SEMA3D: variants seen among roughly 807,000 people sequenced by gnomAD.
The protein encoded by SEMA3D is semaphorin-3D.
In SEMA3D, 84 loss-of-function variants were observed where a neutral mutation model predicts 100.1. The ratio of observed to expected loss-of-function variants is 0.84; its 90% confidence interval spans 0.70 to 1.01. The LOEUF (loss-of-function observed/expected upper bound fraction) is 1.01, where lower values mean the gene tolerates loss of function less well. SEMA3D is among the 50% of genes least tolerant of loss of function. The pLI, the probability that SEMA3D is intolerant of heterozygous loss-of-function variation, is 0.00. For synonymous variants in SEMA3D, 312 were observed against 320.7 expected (o/e 0.97, Z 0.29); for missense variants, 875 against 934.1 (o/e 0.94, Z 0.82).
chr7:85,136,181 A>G (rs1374993864), intron 2 of SEMA3D, among the ~76,000 whole-genome samples: 1 of 152,152 alleles, frequency 6.6e-6, no homozygotes, highest in African/African-American at 2.4e-5. Context: ...TGGAATGCCA[A>G]TGAAGAGCAA....
chr7:85,236,083 G>A, the SEMA3D span, among the ~76,000 whole-genome samples: 18 of 151,856 alleles, frequency 1.2e-4, no homozygotes, highest in Admixed American at 1.1e-3. Context: ...CCAGTAGTTA[G>A]GTATAAGGCA....
intron 3 of SEMA3D, among the ~76,000 whole-genome samples, chr7:85,113,161 G>A (rs554448181): frequency 1.3e-5 from 2 of 152,226 alleles, no homozygotes; most frequent in African/African-American, 2.4e-5. Context: ...CAATTGCAGC[G>A]TAAACTGTAG....
chr7:85,010,473 C>T (rs1789920681), intron 17 of SEMA3D, among the ~76,000 whole-genome samples: 1 of 151,700 alleles, frequency 6.6e-6, no homozygotes, highest in Non-Finnish European at 1.5e-5. Context: ...GAAGTAGCTA[C>T]TGAAGAGCTA....
At chr7:85,112,497 T>A (rs1789120630) in intron 3 of SEMA3D, among the ~76,000 whole-genome samples, 1 of 152,218 alleles carries the variant, frequency 6.6e-6, no homozygotes, top group South Asian at 2.1e-4. Flanking sequence ...TTATTTTTTA[T>A]ATCTTAATAT....
chr7:85,025,340 A>C lies in SEMA3D; in HGVS notation c.1192-2727T>G, dbSNP rs73713922. Among the ~76,000 whole-genome samples, 1,097 of 152,054 alleles carry C rather than the reference A, an allele frequency of 7.2e-3. 15 individuals carry two copies. Among genetic ancestry groups the C allele is most frequent in the African/African-American group, 0.025 (1,033 of 41,532 alleles). On this transcript the variant is annotated intron_variant, in intron 12 of 18. Transcript: ENST00000284136. ...AAGAGAAAATAGAACCTGCCTAGAC[A>C]CACCCTGAGATGAAAGTGGAAACCC... is the stretch of plus-strand genomic sequence containing the variant.
chr7:85,034,290 A>AT (rs1047849282), intron 12 of SEMA3D, among the ~76,000 whole-genome samples: 12 of 152,218 alleles, frequency 7.9e-5, no homozygotes, highest in African/African-American at 2.6e-4. Context: ...TATTCAATGA[A>AT]TAAAAAATAG....
the SEMA3D span, among the ~76,000 whole-genome samples, chr7:85,250,189 A>G: frequency 1.3e-5 from 2 of 148,212 alleles, no homozygotes; most frequent in Non-Finnish European, 3.0e-5. Flanking sequence ...CCACGAGATT[A>G]TAACCCGCAC....
chr7:85,171,302 G>A (rs935707313), intron 1 of SEMA3D, among the ~76,000 whole-genome samples: 2 of 152,034 alleles, frequency 1.3e-5, no homozygotes, highest in Non-Finnish European at 2.9e-5. Context: ...TAACTGGAAT[G>A]AGCAAAGTGA....
At chr7:85,122,466 T>C (rs1175630962) in intron 2 of SEMA3D, among the ~76,000 whole-genome samples, 1 of 152,186 alleles carries the variant, frequency 6.6e-6, no homozygotes, top group Non-Finnish European at 1.5e-5. Context: ...TTTCCTTGAC[T>C]AAAGTTGTTT....
rs144281862 is a variant in SEMA3D, at chr7:85,042,293, G to GAA, written c.862-10_862-9dup. On this transcript the variant is annotated splice_polypyrimidine_tract_variant and intron_variant, in intron 9 of 18. Coordinates refer to ENST00000284136, the MANE Select transcript of SEMA3D (RefSeq NM_001384900.1). The stretch of plus-strand genomic sequence containing the variant: ...TTGTCCTCCTACATCATTCTGACAT[G>GAA]AAAAAAAAAATAAAGATAAATATTT... 21 of 1,391,752 alleles carry GAA rather than the reference G, an allele frequency of 1.5e-5. No homozygotes were observed. Among genetic ancestry groups the GAA allele is most frequent in the African/African-American group, 7.4e-5 (5 of 67,856 alleles). 86.2% of individuals were successfully genotyped at this position (1,391,752 alleles called of 1,614,324 possible). A position where few individuals can be genotyped will look rare whatever the true frequency, so the allele number is the denominator to read the frequency against.
intron 1 of SEMA3D, among the ~76,000 whole-genome samples, chr7:85,168,053 G>A (rs990645862): frequency 6.6e-6 from 1 of 151,572 alleles, no homozygotes; most frequent in African/African-American, 2.4e-5. Context: ...TTTGGACTGG[G>A]GTGTATATAA....
chr7:85,146,936 A>T (rs2116477394), intron 2 of SEMA3D, among the ~76,000 whole-genome samples: 1 of 152,138 alleles, frequency 6.6e-6, no homozygotes, highest in South Asian at 2.1e-4. Context: ...TTGGTACAGC[A>T]ATTAGGAGGA....
the SEMA3D span, among the ~76,000 whole-genome samples, chr7:85,228,366 T>C: frequency 0.014 from 2,137 of 152,284 alleles, 26 homozygotes; most frequent in Non-Finnish European, 0.023. Context: ...TAATTTCATT[T>C]TCATTTTTTA....
At chr7:85,051,338 T>G (rs1791159384) in intron 9 of SEMA3D, among the ~76,000 whole-genome samples, 1 of 151,928 alleles carries the variant, frequency 6.6e-6, no homozygotes, top group Non-Finnish European at 1.5e-5. Flanking sequence ...ATACCTAGTC[T>G]TTAATCATAA....
intron 4 of SEMA3D, among the ~76,000 whole-genome samples, chr7:85,088,705 A>G (rs1460564313): frequency 6.6e-6 from 1 of 152,162 alleles, no homozygotes; most frequent in Non-Finnish European, 1.5e-5. Context: ...ATTGTTACAG[A>G]AGGGAAGTTT....
chr7:85,193,589 C>T, the SEMA3D span, among the ~76,000 whole-genome samples: 1 of 152,118 alleles, frequency 6.6e-6, no homozygotes, highest in African/African-American at 2.4e-5. Flanking sequence ...TAGCCTACCA[C>T]TTTGCAAGTA....
chr7:84,999,597 C>T lies in SEMA3D; in HGVS notation c.2177G>A (p.Ser726Asn). 1 of 1,614,114 alleles carries T rather than the reference C, an allele frequency of 6.2e-7. No homozygotes were observed. Among genetic ancestry groups the T allele is most frequent in the Non-Finnish European group, 8.5e-7 (1 of 1,180,024 alleles). The change falls in exon 19 of 19, where the codon AGC (serine) becomes AAC (asparagine). Residue 726 changes from serine (S) to asparagine (N), a missense_variant. Ser to Asn is a conservative substitution (Grantham distance 46). Coordinates refer to ENST00000284136, the MANE Select transcript of SEMA3D (RefSeq NM_001384900.1). The stretch of plus-strand genomic sequence containing the variant: ...CATCTGTTCGCAGTACTGGTCGAGG[C>T]TGAAGTTTGGGCTGCTAAGGATTTG... Reference protein sequence around the residue: ...YIQILSSPNFSLDQYCEQMWH... With the variant: ...YIQILSSPNFNLDQYCEQMWH...
intron 18 of SEMA3D, among the ~76,000 whole-genome samples, chr7:85,005,083 T>A (rs183442452): frequency 6.6e-6 from 1 of 151,986 alleles, no homozygotes; most frequent in African/African-American, 2.4e-5. Context: ...TTTTTAAAAA[T>A]CAGATTAAAT....
At chr7:85,012,612 G>A (rs1198549646) in intron 17 of SEMA3D, among the ~76,000 whole-genome samples, 170 bp downstream of exon 17, 1 of 151,786 alleles carries the variant, frequency 6.6e-6, no homozygotes, top group East Asian at 1.9e-4. Flanking sequence ...AATTAGGCAC[G>A]TAGACAGGGG....
Sources: gnomAD v4.1 joint callset for allele counts (sites outside exome capture counted in the v4.1 genomes callset) on GRCh38, gnomAD v4.1.1 for gene constraint, MANE v1.5 for transcripts, NCBI Gene and HGNC (gene_info 2026-07-23, HGNC 2026-07-21) for gene names.